URI1: variants seen among roughly 807,000 people sequenced by gnomAD.
The protein encoded by URI1 is URI1 prefoldin like chaperone.
In URI1, 39 loss-of-function variants were observed where a neutral mutation model predicts 60.2. The ratio of observed to expected loss-of-function variants is 0.65; its 90% confidence interval spans 0.50 to 0.85. URI1 has a LOEUF of 0.85. Among genes scored for constraint, URI1 ranks in the 40% least tolerant of loss-of-function variants. URI1 has a pLI of 0.00. For missense variants in URI1, 691 were observed against 665.9 expected (o/e 1.04, Z -0.42); for synonymous variants, 251 against 236.8 (o/e 1.06, Z -0.55).
In URI1 at chr19:30,009,166, A is replaced by G. The variant is rs2055983390; in HGVS notation, c.848A>G (p.Asn283Ser). ...TCAGAACCATTCAGTGGTCAAGTGAATAGTCAGTTGAACTGTTCAGTGAAT... is the reference window on the plus strand; with the variant it reads ...TCAGAACCATTCAGTGGTCAAGTGAGTAGTCAGTTGAACTGTTCAGTGAAT... Reference protein sequence around the residue: ...ASSEPFSGQVNSQLNCSVNGS... With the variant: ...ASSEPFSGQVSSQLNCSVNGS... Residue 283 changes from asparagine to serine, a missense_variant, in exon 8 of 11, where the codon AAT (asparagine) becomes AGT (serine). Transcript: ENST00000392271. The G allele has an allele frequency of 6.2e-7, 1 of 1,613,990 alleles. No individual in the cohort carries two copies. The highest frequency in any genetic ancestry group is 8.5e-7 in the Non-Finnish European group (1 of 1,179,972).
chr19:29,959,615 T>G (rs545941250), intron 1 of URI1, among the ~76,000 whole-genome samples: 1 of 152,340 alleles, frequency 6.6e-6, no homozygotes, highest in Non-Finnish European at 1.5e-5. Context: ...CAAGGAATTG[T>G]CCTTTCTAAG....
intron 1 of URI1, among the ~76,000 whole-genome samples, chr19:29,935,722 A>T (rs2054964521): frequency 2.4e-5 from 3 of 125,322 alleles, no homozygotes; most frequent in Non-Finnish European, 3.2e-5. Context: ...TTTCCCCAGG[A>T]CTTTAACTGT....
chr19:29,923,700 A>T, exon 1 of URI1: 1 of 1,536,598 alleles, frequency 6.5e-7, no homozygotes, highest in Non-Finnish European at 8.7e-7. Context: ...TGATGACAAC[A>T]TGGTCTTCCC....
chr19:29,959,805 T>TG (rs2055299484), intron 1 of URI1, among the ~76,000 whole-genome samples: 1 of 6,034 alleles, frequency 1.7e-4, no homozygotes, highest in African/African-American at 2.4e-4. Flanking sequence ...TTGCCTTTGA[T>TG]TTTTTTCCTC....
intron 1 of URI1, among the ~76,000 whole-genome samples, chr19:29,950,382 A>T (rs757622691): frequency 6.6e-6 from 1 of 150,862 alleles, no homozygotes; most frequent in African/African-American, 2.4e-5. Flanking sequence ...ACTTGCCCTT[A>T]TCTCCAGAGT....
intron 1 of URI1, among the ~76,000 whole-genome samples, chr19:29,926,647 G>A (rs879324981): frequency 3.3e-5 from 5 of 152,156 alleles, no homozygotes; most frequent in Non-Finnish European, 7.3e-5. Flanking sequence ...GTGAAAATTC[G>A]CTAAGGATTT....
chr19:29,939,888 C>T (rs1266824456), upstream of URI1, among the ~76,000 whole-genome samples: 1 of 152,028 alleles, frequency 6.6e-6, no homozygotes, highest in Non-Finnish European at 1.5e-5. Flanking sequence ...GAAGGTGGGT[C>T]CGACAATGCT....
intron 1 of URI1, among the ~76,000 whole-genome samples, chr19:29,946,395 C>G (rs1212493181): frequency 6.6e-6 from 1 of 152,054 alleles, no homozygotes; most frequent in African/African-American, 2.4e-5. Context: ...TATTTTATCT[C>G]TAGATACTAT....
intron 1 of URI1, among the ~76,000 whole-genome samples, chr19:29,951,589 T>A (rs2055180838): frequency 6.6e-6 from 1 of 151,620 alleles, no homozygotes; most frequent in Non-Finnish European, 1.5e-5. Context: ...TCTTGTTGCC[T>A]AGGCTGGAGT....
intron 1 of URI1, among the ~76,000 whole-genome samples, chr19:29,934,246 T>C (rs2145202950): frequency 6.6e-6 from 1 of 152,272 alleles, no homozygotes; most frequent in African/African-American, 2.4e-5. Flanking sequence ...TTATTCCATC[T>C]TTCTGCTAGC....
At chr19:29,966,008 A>G (rs1207630196) in intron 1 of URI1, among the ~76,000 whole-genome samples, 1 of 152,220 alleles carries the variant, frequency 6.6e-6, no homozygotes, top group Non-Finnish European at 1.5e-5. Flanking sequence ...TTAAATAAGA[A>G]CATGTAAGTG....
chr19:29,993,042 T>C (rs930885618), intron 4 of URI1, among the ~76,000 whole-genome samples: 3 of 152,258 alleles, frequency 2.0e-5, no homozygotes, highest in African/African-American at 4.8e-5. Flanking sequence ...CGTGTGTCTT[T>C]TGTTCAGAAT....
intron 4 of URI1, among the ~76,000 whole-genome samples, chr19:29,990,394 T>G (rs575839741): frequency 3.9e-5 from 6 of 152,222 alleles, no homozygotes; most frequent in Admixed American, 6.5e-5. Flanking sequence ...CACACCTAGA[T>G]AGTATTCTAC....
intron 1 of URI1, among the ~76,000 whole-genome samples, chr19:29,952,489 T>C (rs908837211): frequency 6.6e-6 from 1 of 152,226 alleles, no homozygotes; most frequent in African/African-American, 2.4e-5. Context: ...TTCAGATGCA[T>C]GTAGTTTTCT....
At chr19:29,977,371 A>G (rs151148244) in intron 2 of URI1, among the ~76,000 whole-genome samples, 77 of 152,084 alleles carry the variant, frequency 5.1e-4, no homozygotes, top group Non-Finnish European at 9.1e-4. Flanking sequence ...TTATTTTATT[A>G]TGTATAATAT....
intron 4 of URI1, among the ~76,000 whole-genome samples, chr19:29,993,867 C>T (rs1272020817): frequency 6.6e-6 from 1 of 152,174 alleles, no homozygotes; most frequent in Non-Finnish European, 1.5e-5. Flanking sequence ...ATTCCTACCC[C>T]ACCCTATACA....
At chr19:29,995,497 T>C (rs2055800115) in intron 4 of URI1, among the ~76,000 whole-genome samples, 1 of 151,978 alleles carries the variant, frequency 6.6e-6, no homozygotes, top group South Asian at 2.1e-4. Flanking sequence ...TTTGCAAATA[T>C]TTTCTCCTGG....
intron 2 of URI1, among the ~76,000 whole-genome samples, chr19:29,982,715 A>G (rs1481938173): frequency 6.6e-6 from 1 of 152,172 alleles, no homozygotes; most frequent in African/African-American, 2.4e-5. Context: ...TCTTTCAGCA[A>G]GTTATACTAT....
intron 2 of URI1, among the ~76,000 whole-genome samples, chr19:29,974,441 G>T (rs1226698609): frequency 6.6e-6 from 1 of 152,006 alleles, no homozygotes; most frequent in Non-Finnish European, 1.5e-5. Context: ...TCACTTTTTG[G>T]TATGAAGAAT....
Sources: gnomAD v4.1 joint callset for allele counts (sites outside exome capture counted in the v4.1 genomes callset) on GRCh38, gnomAD v4.1.1 for gene constraint, MANE v1.5 for transcripts, NCBI Gene and HGNC (gene_info 2026-07-23, HGNC 2026-07-21) for gene names.